The following HEATR5A variants were observed in gnomAD, a reference collection of about 807,000 sequenced individuals.
HEATR5A encodes HEAT repeat containing 5A.
Under a neutral mutation model 218.8 loss-of-function variants are expected in HEATR5A, and 178 were observed. The observed-to-expected ratio is 0.81, with a 90% CI of 0.72 to 0.92. The LOEUF (loss-of-function observed/expected upper bound fraction) is 0.92. Among genes scored for constraint, HEATR5A ranks in the 40% least tolerant of loss-of-function variants. The pLI, the probability that HEATR5A is intolerant of heterozygous loss-of-function variation, is 0.00. For synonymous variants in HEATR5A, 864 were observed against 871.6 expected (o/e 0.99, Z 0.15); for missense variants, 2,420 against 2,418.9 (o/e 1.00, Z -0.01).
intron 22 of HEATR5A, among the ~76,000 whole-genome samples, chr14:31,327,158 A>G (rs1900295650): frequency 1.3e-5 from 2 of 151,806 alleles, no homozygotes; most frequent in African/African-American, 2.4e-5. Flanking sequence ...TATTTTTAGT[A>G]GAGACGGGGT....
intron 11 of HEATR5A, among the ~76,000 whole-genome samples, chr14:31,375,319 A>C (rs1595151528): frequency 6.6e-6 from 1 of 152,298 alleles, no homozygotes; most frequent in East Asian, 1.9e-4. Context: ...GATAGAATGC[A>C]CTTTAAAGTA....
chr14:31,406,670 A>G (rs2139314609), intron 1 of HEATR5A, among the ~76,000 whole-genome samples: 1 of 152,280 alleles, frequency 6.6e-6, no homozygotes, highest in South Asian at 2.1e-4. Context: ...AAAATGTGAG[A>G]AGTTAGGCCA....
In HEATR5A at chr14:31,313,173, C is replaced by A. The variant is rs1318870516; in HGVS notation, c.4236G>T (p.Val1412=). 6.2e-7 allele frequency: 1 copy of A among 1,612,662 alleles called. No individual in the cohort carries two copies. ...GTTGTCTGTGGTTTTTATGTCTTTGCACAGCAATTATGTAGACCTGTTAAA... is the reference window on the plus strand; with the variant it reads ...GTTGTCTGTGGTTTTTATGTCTTTGAACAGCAATTATGTAGACCTGTTAAA... ...KAWAEVYIIA[V]QRHKNHRQPL... Residue 1412 remains valine, a synonymous_variant, in exon 28 of 36, where the codon GTG becomes GTT. Coordinates refer to ENST00000543095, the MANE Select transcript of HEATR5A (RefSeq NM_015473.4).
Position 31,296,028 on chromosome 14 carries a change from G to T in HEATR5A, c.5500C>A (p.Leu1834Ile), listed in dbSNP as rs370552592. 1.2e-4 allele frequency: 188 copies of T among 1,613,256 alleles called. 1 individual carries two copies. Among genetic ancestry groups the T allele is most frequent in the Non-Finnish European group, 1.5e-4 (177 of 1,179,450 alleles). Residue 1834 changes from leucine (L) to isoleucine (I), a missense_variant, in exon 34 of 36, where the codon CTA becomes ATA. Coordinates refer to ENST00000543095, the MANE Select transcript of HEATR5A (RefSeq NM_015473.4). ...ATAAACACTGTGATAGCAGTAAGTA[G>T]ACTGACTTCATCAAGTTCTTGGTGT... is the stretch of plus-strand genomic sequence containing the variant. ...ETHQELDEVS[L>I]LTAITVFILS...
intron 1 of HEATR5A, among the ~76,000 whole-genome samples, chr14:31,403,321 C>T (rs1472942788): frequency 6.6e-6 from 1 of 152,126 alleles, no homozygotes; most frequent in Non-Finnish European, 1.5e-5. Flanking sequence ...CACTAAAATT[C>T]TGAAAATTTT....
At chr14:31,408,649 A>G (rs1191135371) in intron 1 of HEATR5A, among the ~76,000 whole-genome samples, 1 of 151,978 alleles carries the variant, frequency 6.6e-6, no homozygotes, top group Non-Finnish European at 1.5e-5. Flanking sequence ...TGTCAGACAT[A>G]GTGTATGTAC....
Position 31,304,788 on chromosome 14 carries a change from C to G in HEATR5A, c.5239+117G>C, listed in dbSNP as rs897320590. Reference sequence around the variant, plus strand: ...TAATCTTAGAGGATTAAAGACAATACCCAAATGTTTGGGTCAGCATTCATT... The same window carrying G: ...TAATCTTAGAGGATTAAAGACAATAGCCAAATGTTTGGGTCAGCATTCATT... On this transcript the variant is annotated intron_variant, in intron 32 of 35. Coordinates refer to ENST00000543095, the MANE Select transcript of HEATR5A (RefSeq NM_015473.4). The G allele has an allele frequency of 4.0e-6, 4 of 1,004,426 alleles. No individual in the cohort carries two copies. In the East Asian group the frequency reaches 1.0e-4, roughly 26 times the overall value. 62.2% of individuals were successfully genotyped at this position (1,004,426 alleles called of 1,614,324 possible). A position where few individuals can be genotyped will look rare whatever the true frequency, so the allele number is the denominator to read the frequency against.
chr14:31,358,991 G>A lies in HEATR5A; in HGVS notation c.2138C>T (p.Ala713Val), dbSNP rs750431508. The A allele has an allele frequency of 3.1e-6, 5 of 1,589,074 alleles. No homozygotes were observed. The highest frequency in any genetic ancestry group is 1.7e-4 in the Middle Eastern group (1 of 5,978). ...DLTAPDIQVAASTFLLPPLCH... is the reference protein window; with the variant it reads ...DLTAPDIQVAVSTFLLPPLCH... ...GAGGGGTGGAAGTAAAAATGTAGAT[G>A]CTGCCACCTGAATATCAGGGGCAGT... Residue 713 changes from alanine to valine, a missense_variant, in exon 15 of 36, where the codon GCA becomes GTA. Physicochemically the swap from Ala to Val is moderately conservative, Grantham distance 64. Coordinates refer to ENST00000543095, the MANE Select transcript of HEATR5A (RefSeq NM_015473.4).
intron 9 of HEATR5A, among the ~76,000 whole-genome samples, chr14:31,384,971 G>A (rs1426292227): frequency 6.6e-6 from 1 of 152,062 alleles, no homozygotes; most frequent in South Asian, 2.1e-4. Context: ...AAAAGAAAGG[G>A]TATTATTTGC....
chr14:31,293,523 T>C lies in HEATR5A; in HGVS notation c.5923A>G (p.Asn1975Asp). The C allele has an allele frequency of 1.9e-6, 3 of 1,613,938 alleles. No individual in the cohort carries two copies. Among genetic ancestry groups the C allele is most frequent in the Non-Finnish European group, 2.5e-6 (3 of 1,179,840 alleles). ...TTTTGTAGAGCAAAGTCATGTAAAT[T>C]TCTCATTATGGAAGTTGCTGATCCC... Reference protein sequence around the residue: ...SLGSATSIMRNLHDFALQNLM... With the variant: ...SLGSATSIMRDLHDFALQNLM... The change falls in exon 36 of 36, where the codon AAT becomes GAT. Residue 1975 changes from asparagine to aspartate, a missense_variant. Coordinates refer to ENST00000543095, the MANE Select transcript of HEATR5A (RefSeq NM_015473.4).
chr14:31,353,554 AG>A (rs1324832375), intron 16 of HEATR5A, among the ~76,000 whole-genome samples: 1 of 152,048 alleles, frequency 6.6e-6, no homozygotes. Flanking sequence ...TAGGCAACAT[AG>A]TGAGACCTTA....
At chr14:31,349,696 T>A (rs1566763776) in intron 18 of HEATR5A, 93 bp downstream of exon 18, 1 of 782,126 alleles carries the variant, frequency 1.3e-6, no homozygotes, top group East Asian at 2.8e-5. Context: ...TAGTTAAATC[T>A]CAGAATGAAG....
chr14:31,339,221 A>G (rs1900763430), intron 21 of HEATR5A, among the ~76,000 whole-genome samples: 2 of 151,848 alleles, frequency 1.3e-5, no homozygotes, highest in African/African-American at 4.8e-5. Flanking sequence ...AGGCCGAGGC[A>G]GGTGGATCAC....
intron 12 of HEATR5A, among the ~76,000 whole-genome samples, chr14:31,373,671 A>G (rs1902120909): frequency 6.6e-6 from 1 of 152,128 alleles, no homozygotes; most frequent in Admixed American, 6.6e-5. Context: ...TAGAAGGTAC[A>G]ACTTTCATAT....
At chr14:31,318,358 T>A in intron 25 of HEATR5A, 66 bp from the exon 26 acceptor site, 1 of 1,243,394 alleles carries the variant, frequency 8.0e-7, no homozygotes, top group Non-Finnish European at 1.2e-6. Context: ...TCCCTCTTTT[T>A]AATGTTATTT....
At position 31,402,980 on chromosome 14, in the gene HEATR5A, T is replaced by C. The variant is rs1248953553; in HGVS notation, c.-5A>G. 1.3e-6 allele frequency: 2 copies of C among 1,535,118 alleles called. No individual in the cohort carries two copies. The highest frequency in any genetic ancestry group is 1.7e-6 in the Non-Finnish European group (2 of 1,146,370). On this transcript the variant is annotated 5_prime_UTR_variant, in exon 2 of 36. Coordinates refer to ENST00000543095, the MANE Select transcript of HEATR5A (RefSeq NM_015473.4). Reference sequence around the variant, plus strand: ...TAAGCTATGAGCTAATTCCATTCCTTGCAGCAATCCTCCCAGCTGATCACA... The same window carrying C: ...TAAGCTATGAGCTAATTCCATTCCTCGCAGCAATCCTCCCAGCTGATCACA...
chr14:31,311,018 AAACCAACCAACCAACCAACC>A (rs57787677), intron 28 of HEATR5A, among the ~76,000 whole-genome samples: 273 of 148,802 alleles, frequency 1.8e-3, no homozygotes, highest in East Asian at 0.01. Context: ...CTGTCTCTAA[AAACCAACCAACCAACCAACC>A]AACCAACCAA....
chr14:31,319,298 G>A (rs572427892), intron 25 of HEATR5A, among the ~76,000 whole-genome samples: 11 of 152,012 alleles, frequency 7.2e-5, no homozygotes, highest in East Asian at 5.8e-4. Flanking sequence ...GATTACAGGC[G>A]TCTGTCACCA....
In HEATR5A at chr14:31,347,069, T is replaced by G. The variant is rs143869869; in HGVS notation, c.2868+679A>C. Among the ~76,000 whole-genome samples the G allele has an allele frequency of 7.9e-4, 120 of 152,362 alleles. 1 individual carries two copies. The East Asian group carries it at 0.021, about 26-fold the overall frequency. On this transcript the variant is annotated intron_variant, in intron 19 of 35. Transcript: ENST00000543095. ...TGCTTAGCTTCTTAAGCCTCAGTTTTATTTCCCCATAATGGGCTATATACA... is the reference window on the plus strand; with the variant it reads ...TGCTTAGCTTCTTAAGCCTCAGTTTGATTTCCCCATAATGGGCTATATACA...
Sources: allele counts gnomAD v4.1 joint callset (sites outside exome capture counted in the v4.1 genomes callset), GRCh38; gene constraint gnomAD v4.1.1; transcripts MANE v1.5; gene names NCBI Gene and HGNC (gene_info 2026-07-23, HGNC 2026-07-21).